Variants in RAB22A observed in about 807,000 individuals in gnomAD.
RAB22A encodes the protein ras-related protein Rab-22A.
A neutral mutation model predicts 30.2 loss-of-function variants in RAB22A; 13 were observed. That is an observed-to-expected ratio of 0.43 (90% CI 0.28 to 0.68). The LOEUF (loss-of-function observed/expected upper bound fraction) is 0.68. Among genes scored for constraint, RAB22A ranks in the 30% least tolerant of loss-of-function variants. RAB22A has a pLI of 0.18. For synonymous variants in RAB22A, 89 were observed against 87.2 expected, an observed-to-expected ratio of 1.02 and a Z score of -0.11; for missense variants, 177 against 246.8, an observed-to-expected ratio of 0.72 and a Z score of 1.89.
intron 2 of RAB22A, among the ~76,000 whole-genome samples, chr20:58,336,575 C>T (rs1016572331): frequency 6.6e-6 from 1 of 152,044 alleles, no homozygotes; most frequent in African/African-American, 2.4e-5. Flanking sequence ...TTAAATTTTA[C>T]CAATATTGTT....
At chr20:58,357,112 A>G (rs1286808013) in intron 6 of RAB22A, among the ~76,000 whole-genome samples, 2 of 152,232 alleles carry the variant, frequency 1.3e-5, no homozygotes, top group Admixed American at 6.5e-5. Context: ...TCAAAGTGGT[A>G]GTTGTACTAG....
chr20:58,353,575 T>G, intron 5 of RAB22A, 37 bp downstream of exon 5: 3 of 1,450,320 alleles, frequency 2.1e-6, no homozygotes, highest in Non-Finnish European at 2.9e-6. Context: ...ATACCTATTA[T>G]GTGTTCCTTT....
At position 58,366,211 on chromosome 20, in the gene RAB22A, C is replaced by T. The variant is rs1456759422; in HGVS notation, c.*6508C>T. 6.6e-6 allele frequency: 1 copy of T among 152,188 alleles called. No individual in the cohort carries two copies. Among genetic ancestry groups the T allele is most frequent in the East Asian group, 1.9e-4 (1 of 5,182 alleles). The allele number at this position is 152,188 out of a possible 1,614,324, so 9.4% of individuals were successfully genotyped here. On this transcript the variant is annotated 3_prime_UTR_variant, in exon 7 of 7. Coordinates refer to ENST00000244040, the MANE Select transcript of RAB22A (RefSeq NM_020673.3). ...CCTTAAAGACACATGGCCACAGACACCTCCTTCGCATATGTAATCTGCCTT... is the reference window on the plus strand; with the variant it reads ...CCTTAAAGACACATGGCCACAGACATCTCCTTCGCATATGTAATCTGCCTT...
Position 58,359,610 on chromosome 20 carries a change from A to G in RAB22A, c.492A>G (p.Arg164=). 1 of 1,606,628 alleles carries G rather than the reference A, an allele frequency of 6.2e-7. No homozygotes were observed. Among genetic ancestry groups the G allele is most frequent in the Non-Finnish European group, 8.5e-7 (1 of 1,173,780 alleles). ...CCTTTTCTCATCTTGGTTTAGGTCG[A>G]AGAATTCCATCCACTGACGCCAACC... The part of the protein sequence containing the change: ...NINELFIEIS[R]RIPSTDANLP... The change falls in exon 7 of 7, where the codon CGA becomes CGG. Residue 164 remains arginine (R), a synonymous_variant. Coordinates refer to ENST00000244040, the MANE Select transcript of RAB22A (RefSeq NM_020673.3).
At chr20:58,333,000 G>A (rs1015633219) in intron 2 of RAB22A, among the ~76,000 whole-genome samples, 2 of 151,874 alleles carry the variant, frequency 1.3e-5, no homozygotes, top group Admixed American at 6.6e-5. Context: ...ATATATAGGC[G>A]GGGTGTGGTG....
At chr20:58,344,136 G>A (rs1171189556) in intron 3 of RAB22A, among the ~76,000 whole-genome samples, 4 of 152,228 alleles carry the variant, frequency 2.6e-5, no homozygotes, top group Admixed American at 2.0e-4. Context: ...GCAATTAGTG[G>A]TAGAAAGGGT....
Position 58,360,810 on chromosome 20 carries a change from C to G in RAB22A, c.*1107C>G, listed in dbSNP as rs1457869715. ...AAAGGTTTCTCTGCCTTCCCTTCTA[C>G]CCACCCGCCTCCCACCAGATCCCAT... On this transcript the variant is annotated 3_prime_UTR_variant, in exon 7 of 7. Coordinates refer to ENST00000244040, the MANE Select transcript of RAB22A (RefSeq NM_020673.3). 3 of 152,606 alleles carry G rather than the reference C, an allele frequency of 2.0e-5. No individual in the cohort carries two copies. Among genetic ancestry groups the G allele is most frequent in the Non-Finnish European group, 4.4e-5 (3 of 68,060 alleles). The allele number at this position is 152,606 out of a possible 1,614,324, so 9.5% of individuals were successfully genotyped here.
At chr20:58,316,530 C>T (rs191642712) in intron 2 of RAB22A, among the ~76,000 whole-genome samples, 60 of 152,272 alleles carry the variant, frequency 3.9e-4, no homozygotes, top group African/African-American at 6.3e-4. Flanking sequence ...ACTACACATA[C>T]GCTGTAAGAA....
chr20:58,362,076 G>T lies in RAB22A; in HGVS notation c.*2373G>T, dbSNP rs1987236818. ...TAACAGAATGAGTGATATGAAGCTT[G>T]TACTTATGCATTTCTCGGGCCTCTT... On this transcript the variant is annotated 3_prime_UTR_variant, in exon 7 of 7. Coordinates refer to ENST00000244040, the MANE Select transcript of RAB22A (RefSeq NM_020673.3). 6.6e-6 allele frequency: 1 copy of T among 152,062 alleles called. No homozygotes were observed. The highest frequency in any genetic ancestry group is 2.1e-4 in the South Asian group (1 of 4,818). The allele number at this position is 152,062 out of a possible 1,614,324, so 9.4% of individuals were successfully genotyped here.
rs1011617936 is a variant in RAB22A at position 58,362,863 on chromosome 20, T to G, written c.*3160T>G. On this transcript the variant is annotated 3_prime_UTR_variant, in exon 7 of 7. Coordinates refer to ENST00000244040, the MANE Select transcript of RAB22A (RefSeq NM_020673.3). Reference sequence around the variant, plus strand: ...GGATGTCTGGAAGGATCGGGACTTTTGTGTGAGAGGCTTGAGCGCCTCCTC... The same window carrying G: ...GGATGTCTGGAAGGATCGGGACTTTGGTGTGAGAGGCTTGAGCGCCTCCTC... 2.0e-5 allele frequency: 3 copies of G among 152,248 alleles called. No homozygotes were observed. The highest frequency in any genetic ancestry group is 4.4e-5 in the Non-Finnish European group (3 of 68,044). 9.4% of individuals were successfully genotyped at this position (152,248 alleles called of 1,614,324 possible).
intron 3 of RAB22A, among the ~76,000 whole-genome samples, chr20:58,348,399 C>T (rs1838456763): frequency 6.6e-6 from 1 of 152,138 alleles, no homozygotes; most frequent in Non-Finnish European, 1.5e-5. Flanking sequence ...GAATTGTTCT[C>T]CTGTTTAAAA....
intron 2 of RAB22A, among the ~76,000 whole-genome samples, chr20:58,327,915 A>T (rs1057498933): frequency 6.6e-6 from 1 of 152,214 alleles, no homozygotes; most frequent in Non-Finnish European, 1.5e-5. Flanking sequence ...GAGTCATAAC[A>T]ATTAAACGCA....
chr20:58,326,260 G>A (rs1415303465), intron 2 of RAB22A, among the ~76,000 whole-genome samples: 2 of 151,988 alleles, frequency 1.3e-5, no homozygotes, highest in East Asian at 3.9e-4. Context: ...TAATCAAAAT[G>A]CAGAAATTTG....
intron 2 of RAB22A, among the ~76,000 whole-genome samples, chr20:58,331,449 G>A (rs745944324): frequency 4.6e-5 from 7 of 152,020 alleles, no homozygotes; most frequent in East Asian, 1.9e-4. Context: ...CACAATAGAC[G>A]CTCAGTAAAA....
In RAB22A at chr20:58,354,173, A is replaced by T. The variant is rs1429918098; in HGVS notation, c.395A>T (p.Asp132Val). ...CCTTCCAGAGAAGTCATGGAGAGAGATGCAAAGGACTACGCCGACTCTATT... is the reference window on the plus strand; with the variant it reads ...CCTTCCAGAGAAGTCATGGAGAGAGTTGCAAAGGACTACGCCGACTCTATT... ...LIDVREVMER[D>V]AKDYADSIHA... The change falls in exon 6 of 7, where the codon GAT (aspartate) becomes GTT (valine). Residue 132 changes from aspartate to valine, a missense_variant. Asp to Val is a radical substitution (Grantham distance 152, BLOSUM62 -3). Transcript: ENST00000244040. The T allele has an allele frequency of 6.2e-6, 10 of 1,613,130 alleles. No individual in the cohort carries two copies. The highest frequency in any genetic ancestry group is 1.3e-5 in the African/African-American group (1 of 74,904).
Position 58,357,307 on chromosome 20 carries a change from T to C in RAB22A, c.488-2299T>C, listed in dbSNP as rs892809128. ...GTTAAGTCTTTTGCCTGTTTTCCTG[T>C]TGGGTTACCTGCCTCCTTCTTAATG... On this transcript the variant is annotated intron_variant, in intron 6 of 6. Coordinates refer to ENST00000244040, the MANE Select transcript of RAB22A (RefSeq NM_020673.3). 3.3e-5 allele frequency among the ~76,000 whole-genome samples: 5 copies of C among 152,368 alleles called. No homozygotes were observed. The East Asian group carries it at 9.6e-4, about 29-fold the overall frequency.
chr20:58,312,521 C>G (rs1275137805), intron 2 of RAB22A, among the ~76,000 whole-genome samples: 2 of 99,886 alleles, frequency 2.0e-5, no homozygotes, highest in Non-Finnish European at 3.6e-5. Context: ...TGGAGTCTCG[C>G]TCTGTTGCCC....
chr20:58,313,459 T>C (rs1336993777), intron 2 of RAB22A, among the ~76,000 whole-genome samples: 1 of 152,100 alleles, frequency 6.6e-6, no homozygotes, highest in Non-Finnish European at 1.5e-5. Context: ...TATCATCTTG[T>C]CATAGCCTGC....
At chr20:58,316,568 G>A (rs904044768) in intron 2 of RAB22A, among the ~76,000 whole-genome samples, 3 of 152,074 alleles carry the variant, frequency 2.0e-5, no homozygotes, top group East Asian at 1.9e-4. Flanking sequence ...AATCACCACC[G>A]TAGTGAGCCA....
Sources: allele counts gnomAD v4.1 joint callset (sites outside exome capture counted in the v4.1 genomes callset), GRCh38; gene constraint gnomAD v4.1.1; transcripts MANE v1.5; gene names NCBI Gene and HGNC (gene_info 2026-07-23, HGNC 2026-07-21).